Variants in ST6GALNAC3 observed in about 807,000 individuals in gnomAD.
ST6GALNAC3 encodes alpha-N-acetylgalactosaminide alpha-2,6-sialyltransferase 3.
A neutral mutation model predicts 32.7 loss-of-function variants in ST6GALNAC3; 25 were observed. The observed-to-expected ratio is 0.76, with a 90% CI of 0.56 to 1.07. ST6GALNAC3 has a LOEUF of 1.07. Among genes scored for constraint, ST6GALNAC3 ranks in the 50% least tolerant of loss-of-function variants. ST6GALNAC3 has a pLI of 0.00. For missense variants in ST6GALNAC3, 355 were observed against 382.4 expected, an observed-to-expected ratio of 0.93 and a Z score of 0.60; for synonymous variants, 129 against 133.1, an observed-to-expected ratio of 0.97 and a Z score of 0.21.
intron 2 of ST6GALNAC3, among the ~76,000 whole-genome samples, chr1:76,365,733 A>T (rs1356933719): frequency 1.3e-5 from 2 of 152,208 alleles, no homozygotes; most frequent in East Asian, 3.9e-4. Flanking sequence ...AATAATGACA[A>T]GCATGGCCTT....
intron 1 of ST6GALNAC3, among the ~76,000 whole-genome samples, chr1:76,273,916 A>T (rs957126510): frequency 1.3e-5 from 2 of 152,224 alleles, no homozygotes; most frequent in Non-Finnish European, 2.9e-5. Flanking sequence ...GTCTATTGTT[A>T]AAAATCTCAC....
intron 1 of ST6GALNAC3, among the ~76,000 whole-genome samples, chr1:76,114,106 G>A (rs1008063830): frequency 1.3e-5 from 2 of 150,714 alleles, no homozygotes; most frequent in African/African-American, 2.5e-5. Flanking sequence ...GCCTCCCAAC[G>A]TGCTGGGATT....
intron 2 of ST6GALNAC3, among the ~76,000 whole-genome samples, chr1:76,339,342 G>A (rs1313046887): frequency 2.0e-5 from 3 of 152,146 alleles, no homozygotes; most frequent in Admixed American, 2.0e-4. Flanking sequence ...CTTGAAGATG[G>A]AGTGAAGCTG....
At chr1:76,396,883 T>G (rs1422139586) in intron 2 of ST6GALNAC3, among the ~76,000 whole-genome samples, 2 of 152,170 alleles carry the variant, frequency 1.3e-5, no homozygotes, top group African/African-American at 4.8e-5. Context: ...TGTTCTTTAG[T>G]TTGTCTAGTT....
intron 3 of ST6GALNAC3, among the ~76,000 whole-genome samples, chr1:76,446,530 A>G (rs759024029): frequency 6.6e-6 from 1 of 152,110 alleles, no homozygotes; most frequent in Non-Finnish European, 1.5e-5. Flanking sequence ...GGATCTTGTT[A>G]CTATCTCCTT....
chr1:76,408,360 C>G (rs1653982336), intron 2 of ST6GALNAC3, among the ~76,000 whole-genome samples: 5 of 152,042 alleles, frequency 3.3e-5, no homozygotes, highest in African/African-American at 7.2e-5. Context: ...GCCATGGTGA[C>G]AGTAGGGCCA....
chr1:76,551,025 G>T (rs1022884302), intron 3 of ST6GALNAC3, among the ~76,000 whole-genome samples: 1 of 152,078 alleles, frequency 6.6e-6, no homozygotes, highest in East Asian at 1.9e-4. Context: ...TGCCTGCACC[G>T]GCTTGCCAAA....
chr1:76,328,517 A>T (rs1049005116), intron 2 of ST6GALNAC3, among the ~76,000 whole-genome samples: 3 of 152,214 alleles, frequency 2.0e-5, no homozygotes, highest in African/African-American at 7.2e-5. Flanking sequence ...TTTTCAAAAT[A>T]GTGCTCTTTT....
chr1:76,571,577 A>G (rs1665862054), intron 3 of ST6GALNAC3, among the ~76,000 whole-genome samples: 1 of 152,122 alleles, frequency 6.6e-6, no homozygotes, highest in South Asian at 2.1e-4. Flanking sequence ...CATCAGAAGT[A>G]TTTACTATCT....
intron 1 of ST6GALNAC3, among the ~76,000 whole-genome samples, chr1:76,201,916 G>A (rs1003076537): frequency 6.6e-6 from 1 of 152,146 alleles, no homozygotes; most frequent in East Asian, 1.9e-4. Context: ...TTTGGCATAT[G>A]CAAAATATAT....
chr1:76,112,418 G>T (rs1261461282), intron 1 of ST6GALNAC3, among the ~76,000 whole-genome samples: 1 of 146,152 alleles, frequency 6.8e-6, no homozygotes, highest in Non-Finnish European at 1.5e-5. Context: ...CCGGGCGGGG[G>T]GCTAACCCCC....
chr1:76,416,632 T>G (rs1437758787), intron 3 of ST6GALNAC3, among the ~76,000 whole-genome samples: 1 of 138,174 alleles, frequency 7.2e-6, no homozygotes, highest in Non-Finnish European at 1.6e-5. Flanking sequence ...GTTTTGTTTT[T>G]TTTTTTTTTT....
chr1:76,434,428 C>A (rs889412061), intron 3 of ST6GALNAC3, among the ~76,000 whole-genome samples: 1 of 152,142 alleles, frequency 6.6e-6, no homozygotes, highest in Non-Finnish European at 1.5e-5. Context: ...TATGACAAAT[C>A]AGCATTTTAT....
rs1159864958 is a variant in ST6GALNAC3, at chr1:76,605,861, TAAAAA to T, written c.624-21567_624-21563del. On this transcript the variant is annotated intron_variant, in intron 3 of 4. Coordinates refer to ENST00000328299, the MANE Select transcript of ST6GALNAC3 (RefSeq NM_152996.4). The stretch of plus-strand genomic sequence containing the variant: ...TCCTGGGTAATAGAGGGAGACTCCA[TAAAAA>T]AAAAAAAAAAAAAAAAAAAAAAAGG... 5.5e-3 allele frequency among the ~76,000 whole-genome samples: 321 copies of T among 58,874 alleles called. 1 individual carries two copies. Among genetic ancestry groups the T allele is most frequent in the African/African-American group, 7.7e-3 (105 of 13,580 alleles). The allele number at this position is 58,874 out of a possible 152,430, so 38.6% of individuals were successfully genotyped here.
At chr1:76,487,510 G>A (rs975366432) in intron 3 of ST6GALNAC3, among the ~76,000 whole-genome samples, 2 of 152,086 alleles carry the variant, frequency 1.3e-5, no homozygotes, top group Non-Finnish European at 2.9e-5. Context: ...TCTTCCAGTT[G>A]ATCGAATCGG....
At chr1:76,173,687 A>T (rs1415286956) in intron 1 of ST6GALNAC3, among the ~76,000 whole-genome samples, 3 of 152,254 alleles carry the variant, frequency 2.0e-5, no homozygotes, top group African/African-American at 7.2e-5. Context: ...ATATGAACAG[A>T]CACTTTTCAA....
chr1:76,392,274 A>T (rs913583595), intron 2 of ST6GALNAC3, among the ~76,000 whole-genome samples: 3 of 152,216 alleles, frequency 2.0e-5, no homozygotes, highest in African/African-American at 7.2e-5. Flanking sequence ...AAATTTTTTT[A>T]AAAATCAGTT....
In ST6GALNAC3 at chr1:76,524,497, C is replaced by T. The variant is rs1041468956; in HGVS notation, c.624-102955C>T. 5.3e-5 allele frequency among the ~76,000 whole-genome samples: 8 copies of T among 152,200 alleles called. No homozygotes were observed. The South Asian group carries it at 1.5e-3, about 28-fold the overall frequency. On this transcript the variant is annotated intron_variant, in intron 3 of 4. Coordinates refer to ENST00000328299, the MANE Select transcript of ST6GALNAC3 (RefSeq NM_152996.4). ...GATATACATTTCTTAAAGGTAAAGA[C>T]TTTATGTTATTCATATTCATGCTTA...
At chr1:76,276,894 A>G (rs6702605) in intron 1 of ST6GALNAC3, among the ~76,000 whole-genome samples, 89,591 of 152,028 alleles carry the variant, frequency 0.59, 26,640 homozygotes, top group African/African-American at 0.65. Context: ...TCAATTTACC[A>G]TTTTGGCAAA....
Sources: allele counts gnomAD v4.1 joint callset (sites outside exome capture counted in the v4.1 genomes callset), GRCh38; gene constraint gnomAD v4.1.1; transcripts MANE v1.5; gene names NCBI Gene and HGNC (gene_info 2026-07-23, HGNC 2026-07-21).